Variants in BMP6 observed in about 807,000 individuals in gnomAD.
BMP6 encodes bone morphogenetic protein 6.
Under a neutral mutation model 54.1 loss-of-function variants are expected in BMP6, and 17 were observed. The observed-to-expected ratio is 0.31, with a 90% CI of 0.22 to 0.47. The LOEUF (loss-of-function observed/expected upper bound fraction) is 0.47. BMP6 is among the 20% of genes least tolerant of loss of function. The pLI is 1.00. For synonymous variants in BMP6, 328 were observed against 291.2 expected, an observed-to-expected ratio of 1.13 and a Z score of -1.28; for missense variants, 720 against 690.4, an observed-to-expected ratio of 1.04 and a Z score of -0.48.
chr6:7,823,765 G>T (rs1758650907), intron 1 of BMP6, among the ~76,000 whole-genome samples: 1 of 152,202 alleles, frequency 6.6e-6, no homozygotes, highest in African/African-American at 2.4e-5. Flanking sequence ...CAGGAGACTG[G>T]CTGGGGCCTT....
rs1762031214 is a variant in BMP6 at position 7,740,811 on chromosome 6, C to T, written c.664+13192C>T. The stretch of plus-strand genomic sequence containing the variant: ...TTTTGAAATCTCTTACTCCCATCTT[C>T]CCATCATCTTTTCCATCTATCCCTA... On this transcript the variant is annotated intron_variant, in intron 1 of 6. Transcript: ENST00000283147. Among the ~76,000 whole-genome samples the T allele has an allele frequency of 3.3e-5, 5 of 152,312 alleles. No individual in the cohort carries two copies. The South Asian group carries it at 1.0e-3, about 32-fold the overall frequency.
intron 1 of BMP6, among the ~76,000 whole-genome samples, chr6:7,735,423 A>G (rs530329238): frequency 6.6e-6 from 1 of 152,308 alleles, no homozygotes; most frequent in East Asian, 1.9e-4. Context: ...CTCCTTTTGA[A>G]TCTATGAATT....
intron 1 of BMP6, among the ~76,000 whole-genome samples, chr6:7,832,964 T>C (rs1470615670): frequency 1.3e-5 from 2 of 151,812 alleles, no homozygotes; most frequent in Non-Finnish European, 2.9e-5. Context: ...GAGGTGGCTG[T>C]GGGGTACAGG....
At chr6:7,853,593 C>A (rs115055661) in intron 2 of BMP6, among the ~76,000 whole-genome samples, 1 of 152,136 alleles carries the variant, frequency 6.6e-6, no homozygotes, top group Non-Finnish European at 1.5e-5. Flanking sequence ...GATGGGAGAA[C>A]ACTATATTAT....
chr6:7,747,921 T>A (rs1214765851), intron 1 of BMP6, among the ~76,000 whole-genome samples: 1 of 152,156 alleles, frequency 6.6e-6, no homozygotes, highest in East Asian at 1.9e-4. Flanking sequence ...GCTGGGATTA[T>A]AGGCGTGAGC....
chr6:7,835,897 C>T (rs567341443), intron 1 of BMP6, among the ~76,000 whole-genome samples: 54 of 151,734 alleles, frequency 3.6e-4, no homozygotes, highest in Non-Finnish European at 7.2e-4. Context: ...AGTGCAGTGG[C>T]GTGATCTCGG....
At chr6:7,762,482 T>C (rs270378) in intron 1 of BMP6, among the ~76,000 whole-genome samples, 93,501 of 152,090 alleles carry the variant, frequency 0.61, 29,792 homozygotes, top group Non-Finnish European at 0.72. Flanking sequence ...ATTCAAACTT[T>C]TATGCAGTCA....
intron 1 of BMP6, among the ~76,000 whole-genome samples, chr6:7,797,604 G>A (rs1282137766): frequency 6.6e-6 from 1 of 152,122 alleles, no homozygotes; most frequent in Non-Finnish European, 1.5e-5. Context: ...TCACACCACT[G>A]TTCTCATTGG....
At chr6:7,764,517 A>G (rs973053060) in intron 1 of BMP6, among the ~76,000 whole-genome samples, 5 of 151,628 alleles carry the variant, frequency 3.3e-5, no homozygotes, top group Admixed American at 6.6e-5. Flanking sequence ...TTGTGTAGAG[A>G]ACGTGCTACT....
At chr6:7,878,140 T>G (rs1759651513) in intron 4 of BMP6, among the ~76,000 whole-genome samples, 1 of 152,196 alleles carries the variant, frequency 6.6e-6, no homozygotes, top group Non-Finnish European at 1.5e-5. Flanking sequence ...GACATTTGCC[T>G]ATGGCCCTTG....
intron 1 of BMP6, among the ~76,000 whole-genome samples, chr6:7,832,976 T>C (rs1758814812): frequency 6.6e-6 from 1 of 151,926 alleles, no homozygotes; most frequent in Non-Finnish European, 1.5e-5. Flanking sequence ...GGGTACAGGC[T>C]GAAGGGCTCT....
At chr6:7,734,007 G>A (rs958622973) in intron 1 of BMP6, among the ~76,000 whole-genome samples, 2 of 152,200 alleles carry the variant, frequency 1.3e-5, no homozygotes, top group Non-Finnish European at 2.9e-5. Context: ...GTAACACATT[G>A]TGGGTCACTG....
chr6:7,881,430 C>T lies in BMP6; in HGVS notation c.*1087C>T, dbSNP rs1011413532. ...TACATTTATAATCTACAACTGTTTGCACTTACAGCTTTTTTTGTAAATATA... is the reference window on the plus strand; with the variant it reads ...TACATTTATAATCTACAACTGTTTGTACTTACAGCTTTTTTTGTAAATATA... On this transcript the variant is annotated 3_prime_UTR_variant, in exon 7 of 7. Transcript: ENST00000283147. 1.0e-4 allele frequency: 16 copies of T among 152,560 alleles called. No individual in the cohort carries two copies. The highest frequency in any genetic ancestry group is 4.4e-5 in the Non-Finnish European group (3 of 68,024). The allele number at this position is 152,560 out of a possible 1,614,324, so 9.5% of individuals were successfully genotyped here.
intron 1 of BMP6, among the ~76,000 whole-genome samples, chr6:7,815,701 A>G (rs1758514858): frequency 6.6e-6 from 1 of 152,228 alleles, no homozygotes; most frequent in African/African-American, 2.4e-5. Flanking sequence ...CAAAATACCA[A>G]ATTTTAAAAA....
intron 1 of BMP6, among the ~76,000 whole-genome samples, chr6:7,740,217 A>C (rs892682069): frequency 2.6e-5 from 4 of 152,152 alleles, no homozygotes; most frequent in African/African-American, 9.7e-5. Context: ...AGTCAGATGC[A>C]TCTGCAGAGA....
At chr6:7,777,591 A>G (rs1173471726) in intron 1 of BMP6, among the ~76,000 whole-genome samples, 3 of 151,940 alleles carry the variant, frequency 2.0e-5, no homozygotes, top group Non-Finnish European at 2.9e-5. Flanking sequence ...GTGTTTGTAG[A>G]TTTGAGAAGG....
At chr6:7,859,925 G>C (rs267204) in intron 2 of BMP6, among the ~76,000 whole-genome samples, 1 of 152,064 alleles carries the variant, frequency 6.6e-6, no homozygotes, top group Non-Finnish European at 1.5e-5. Flanking sequence ...GAAACTGTTC[G>C]CTCCTCCTCT....
At chr6:7,732,966 G>GGA (rs1420228650) in intron 1 of BMP6, among the ~76,000 whole-genome samples, 2 of 151,342 alleles carry the variant, frequency 1.3e-5, no homozygotes, top group African/African-American at 4.9e-5. Flanking sequence ...GCGAGATCTC[G>GGA]GCTCACTGCA....
At chr6:7,770,568 T>C (rs1310023504) in intron 1 of BMP6, among the ~76,000 whole-genome samples, 1 of 152,228 alleles carries the variant, frequency 6.6e-6, no homozygotes, top group African/African-American at 2.4e-5. Flanking sequence ...ATATGTGTAC[T>C]TGGAGTCATT....
Sources: allele counts gnomAD v4.1 joint callset (sites outside exome capture counted in the v4.1 genomes callset), GRCh38; gene constraint gnomAD v4.1.1; transcripts MANE v1.5; gene names NCBI Gene and HGNC (gene_info 2026-07-23, HGNC 2026-07-21).